Variants in SLC16A12 observed in about 807,000 individuals in gnomAD.
SLC16A12 encodes monocarboxylate transporter 12.
In SLC16A12, 17 loss-of-function variants were observed where a neutral mutation model predicts 42.4. The ratio of observed to expected loss-of-function variants is 0.40; its 90% CI spans 0.27 to 0.60. SLC16A12 has a LOEUF of 0.60. Among genes scored for constraint, SLC16A12 ranks in the 20% least tolerant of loss-of-function variants. The pLI, the probability that SLC16A12 is intolerant of heterozygous loss-of-function variation, is 0.42. For synonymous variants in SLC16A12, 224 were observed against 229.4 expected (o/e 0.98, Z 0.21); for missense variants, 544 against 623.0 (o/e 0.87, Z 1.35).
chr10:89,513,810 T>TG (rs1798041052), intron 2 of SLC16A12, among the ~76,000 whole-genome samples: 1 of 152,196 alleles, frequency 6.6e-6, no homozygotes, highest in South Asian at 2.1e-4. Context: ...TGTGGTTAAA[T>TG]GGGCATTCTT....
Position 89,433,340 on chromosome 10 carries a change from C to T in SLC16A12, c.1289-14G>A, listed in dbSNP as rs372847666. On this transcript the variant is annotated splice_polypyrimidine_tract_variant and intron_variant, in intron 7 of 7. Coordinates refer to ENST00000371790, the MANE Select transcript of SLC16A12 (RefSeq NM_213606.4). ...CTACCAGCCGTCCTGTAACAAACAA[C>T]AGCAAAATTTTATTTTTGAGTTGAA... is the stretch of plus-strand genomic sequence containing the variant. 3.8e-5 allele frequency: 62 copies of T among 1,612,976 alleles called. No homozygotes were observed. The African/African-American group carries it at 7.1e-4, about 18-fold the overall frequency.
chr10:89,555,496 C>CGTATATATAT, intron 2 of SLC16A12, among the ~76,000 whole-genome samples: 1 of 118,284 alleles, frequency 8.5e-6, no homozygotes, highest in Non-Finnish European at 1.9e-5. Flanking sequence ...CGTATATATA[C>CGTATATATAT]GTATATACGT....
At chr10:89,435,431 C>T (rs1841763638) in intron 7 of SLC16A12, among the ~76,000 whole-genome samples, 1 of 152,180 alleles carries the variant, frequency 6.6e-6, no homozygotes, top group Admixed American at 6.5e-5. Context: ...CAGAGCTCAT[C>T]TTTATTTCTG....
At chr10:89,463,603 A>C (rs1222255365) in intron 2 of SLC16A12, among the ~76,000 whole-genome samples, 1 of 152,218 alleles carries the variant, frequency 6.6e-6, no homozygotes, top group African/African-American at 2.4e-5. Flanking sequence ...AAACAAACCA[A>C]GATAAAAAAA....
intron 2 of SLC16A12, among the ~76,000 whole-genome samples, chr10:89,506,788 G>A (rs1843069284): frequency 6.6e-6 from 1 of 152,058 alleles, no homozygotes; most frequent in African/African-American, 2.4e-5. Context: ...CAAGCTAAAG[G>A]AGCATGTTCT....
At chr10:89,495,285 C>T (rs955922504) in intron 2 of SLC16A12, among the ~76,000 whole-genome samples, 14 of 152,036 alleles carry the variant, frequency 9.2e-5, no homozygotes, top group Admixed American at 3.9e-4. Flanking sequence ...ACCTAGGAGG[C>T]GGAGGTTGCA....
At chr10:89,540,754 A>G (rs1440397670) in intron 2 of SLC16A12, among the ~76,000 whole-genome samples, 1 of 152,180 alleles carries the variant, frequency 6.6e-6, no homozygotes, top group Non-Finnish European at 1.5e-5. Context: ...TGGAGCTAAC[A>G]TTCTCTCATT....
chr10:89,441,174 C>A lies in SLC16A12; in HGVS notation c.382G>T (p.Gly128Ter), dbSNP rs558491299. ...IMLGGLLAST[G>*]LILSSFATSL... is the part of the protein sequence containing the mutation. ...GTGGCAAATGAGCTCAGGATGAGTC[C>A]AGTAGATGCAAGCAAGCCACCCAGC... Residue 128 changes from glycine to a stop codon, truncating the protein, a stop_gained, in exon 5 of 8, where the codon GGA (glycine) becomes TGA (stop). Transcript: ENST00000371790. LOFTEE classifies it high-confidence loss of function. The A allele has an allele frequency of 3.1e-6, 5 of 1,613,848 alleles. No individual in the cohort carries two copies. The highest frequency in any genetic ancestry group is 4.2e-6 in the Non-Finnish European group (5 of 1,179,890).
In SLC16A12 at chr10:89,433,200, T is replaced by C. The variant is rs375343093; in HGVS notation, c.1415A>G (p.Gln472Arg). Residue 472 changes from glutamine to arginine, a missense_variant, in exon 8 of 8, where the codon CAG becomes CGG. Physicochemically the swap from Gln to Arg is conservative, Grantham distance 43. Transcript: ENST00000371790. ...AGGATCAGATTCTTTGGCAATGAAC[T>C]GCAACTGGGTTTTTCTCATTCTCTT... ...LIKRMRKTQL[Q>R]FIAKESDPKL... 9 of 1,614,236 alleles carry C rather than the reference T, an allele frequency of 5.6e-6. No homozygotes were observed. Among genetic ancestry groups the C allele is most frequent in the South Asian group, 2.2e-5 (2 of 91,086 alleles).
At chr10:89,531,555 C>A (rs1395586376) in intron 2 of SLC16A12, among the ~76,000 whole-genome samples, 1 of 152,182 alleles carries the variant, frequency 6.6e-6, no homozygotes, top group Admixed American at 6.5e-5. Context: ...GTCTGAGCAA[C>A]CACCAGGATG....
At chr10:89,508,311 G>C (rs1319837466) in intron 2 of SLC16A12, among the ~76,000 whole-genome samples, 1 of 152,076 alleles carries the variant, frequency 6.6e-6, no homozygotes, top group Non-Finnish European at 1.5e-5. Flanking sequence ...TTCCAAAATT[G>C]ACCACATAGT....
intron 2 of SLC16A12, among the ~76,000 whole-genome samples, chr10:89,487,728 C>G (rs919581022): frequency 1.4e-5 from 2 of 142,288 alleles, no homozygotes; most frequent in Non-Finnish European, 3.0e-5. Context: ...ACAAGAATGG[C>G]TTGAACCTGG....
At chr10:89,509,830 A>T (rs1009259317) in intron 2 of SLC16A12, among the ~76,000 whole-genome samples, 1 of 152,220 alleles carries the variant, frequency 6.6e-6, no homozygotes, top group Non-Finnish European at 1.5e-5. Context: ...ATAATTGTAT[A>T]TTTAGAAAAC....
chr10:89,536,074 G>A (rs1244666646), upstream of SLC16A12, among the ~76,000 whole-genome samples: 1 of 151,086 alleles, frequency 6.6e-6, no homozygotes, highest in Non-Finnish European at 1.5e-5. Context: ...GTAATGCACC[G>A]GCTTTCTGTG....
At chr10:89,482,561 G>C (rs1842682473) in intron 2 of SLC16A12, among the ~76,000 whole-genome samples, 1 of 152,062 alleles carries the variant, frequency 6.6e-6, no homozygotes, top group Non-Finnish European at 1.5e-5. Flanking sequence ...TGGGCAAATT[G>C]CTTGAACCAA....
At chr10:89,539,904 T>TCTTTCTTTCTTTCTTC, upstream of SLC16A12, among the ~76,000 whole-genome samples, 1 of 146,776 alleles carries the variant, frequency 6.8e-6, no homozygotes, top group Non-Finnish European at 1.5e-5. Flanking sequence ...TTTCTTTCTT[T>TCTTTCTTTCTTTCTTC]CTTTCTTTTT....
At chr10:89,504,850 G>A (rs1490262083) in intron 2 of SLC16A12, among the ~76,000 whole-genome samples, 1 of 152,170 alleles carries the variant, frequency 6.6e-6, no homozygotes, top group African/African-American at 2.4e-5. Context: ...TGGTTCTCTG[G>A]TTCTGCTTCA....
At chr10:89,507,108 A>G (rs1843075725) in intron 2 of SLC16A12, among the ~76,000 whole-genome samples, 1 of 152,204 alleles carries the variant, frequency 6.6e-6, no homozygotes, top group Non-Finnish European at 1.5e-5. Context: ...TGATTGGTGT[A>G]CCTGAAAGTG....
chr10:89,500,627 G>A (rs117555943), intron 2 of SLC16A12, among the ~76,000 whole-genome samples: 2,181 of 152,062 alleles, frequency 0.014, 24 homozygotes, highest in Non-Finnish European at 0.022. Flanking sequence ...CAGCAAAATC[G>A]GCATACAAGG....
Sources: allele counts gnomAD v4.1 joint callset (sites outside exome capture counted in the v4.1 genomes callset), GRCh38; gene constraint gnomAD v4.1.1; transcripts MANE v1.5; gene names NCBI Gene and HGNC (gene_info 2026-07-23, HGNC 2026-07-21).